KSR1: variants seen among roughly 807,000 people sequenced by gnomAD.
KSR1 encodes kinase suppressor of ras 1.
Under a neutral mutation model 92.9 loss-of-function variants are expected in KSR1, and 35 were observed. The ratio of observed to expected loss-of-function variants is 0.38; its 90% confidence interval spans 0.29 to 0.50. KSR1 has a LOEUF of 0.50. Among genes scored for constraint, KSR1 ranks in the 20% least tolerant of loss-of-function variants. The probability of loss-of-function intolerance (pLI) is 0.94; values close to 1 mark genes in which losing one functional copy is unlikely to be tolerated. For synonymous variants in KSR1, 467 were observed against 472.6 expected (o/e 0.99, Z 0.15); for missense variants, 972 against 1,158.5 (o/e 0.84, Z 2.34).
At chr17:27,463,067 T>C (rs2019523657) in intron 1 of KSR1, among the ~76,000 whole-genome samples, 1 of 152,240 alleles carries the variant, frequency 6.6e-6, no homozygotes, top group Non-Finnish European at 1.5e-5. Flanking sequence ...ATTTGCTGGG[T>C]CAAAGTATAT....
chr17:27,561,904 G>C (rs551584165), intron 2 of KSR1, among the ~76,000 whole-genome samples: 4 of 152,152 alleles, frequency 2.6e-5, no homozygotes, highest in Non-Finnish European at 5.9e-5. Flanking sequence ...GGAGTAGAGT[G>C]ACGCAATCTT....
chr17:27,609,908 G>T, intron 16 of KSR1, 159 bp from the exon 17 acceptor site: 2 of 805,306 alleles, frequency 2.5e-6, no homozygotes, highest in Non-Finnish European at 3.8e-6. Flanking sequence ...CAAAAGCACC[G>T]GTGCCTTTCC....
chr17:27,558,347 G>T (rs2071689919), intron 2 of KSR1, among the ~76,000 whole-genome samples: 1 of 148,958 alleles, frequency 6.7e-6, no homozygotes, highest in Admixed American at 6.8e-5. Context: ...AACGTCATCT[G>T]TGTTATCCAT....
chr17:27,615,623 T>C (rs912265116), intron 18 of KSR1, among the ~76,000 whole-genome samples: 1 of 152,262 alleles, frequency 6.6e-6, no homozygotes, highest in Admixed American at 6.5e-5. Context: ...CAGAGTCCAC[T>C]GGTTTCTTGT....
At chr17:27,458,396 G>A (rs2019281456) in intron 1 of KSR1, among the ~76,000 whole-genome samples, 1 of 152,178 alleles carries the variant, frequency 6.6e-6, no homozygotes, top group Non-Finnish European at 1.5e-5. Context: ...TGCTGGGCTT[G>A]GAGAATGCTC....
intron 3 of KSR1, among the ~76,000 whole-genome samples, chr17:27,580,302 G>T (rs61120509): frequency 1.3e-5 from 2 of 152,164 alleles, no homozygotes; most frequent in Non-Finnish European, 2.9e-5. Flanking sequence ...GCTGTAGCTC[G>T]TAAGGAGCAA....
intron 1 of KSR1, among the ~76,000 whole-genome samples, chr17:27,543,324 C>T (rs2071035352): frequency 6.6e-6 from 1 of 152,142 alleles, no homozygotes; most frequent in Admixed American, 6.5e-5. Context: ...CCATGACACA[C>T]CATGGAGGAT....
chr17:27,520,136 T>A (rs546974301), intron 1 of KSR1, among the ~76,000 whole-genome samples: 32 of 152,220 alleles, frequency 2.1e-4, no homozygotes, highest in Non-Finnish European at 3.7e-4. Context: ...GCTACACTGT[T>A]CCCATTTGAC....
chr17:27,526,064 TTCTTTC>T (rs2070272868), intron 1 of KSR1, among the ~76,000 whole-genome samples: 1 of 112,636 alleles, frequency 8.9e-6, no homozygotes, highest in Non-Finnish European at 1.7e-5. Flanking sequence ...CTCTCTCTCT[TTCTTTC>T]TCTTTCTTTC....
intron 15 of KSR1, among the ~76,000 whole-genome samples, chr17:27,608,750 C>G (rs943571055): frequency 2.0e-5 from 3 of 151,922 alleles, no homozygotes; most frequent in African/African-American, 7.3e-5. Context: ...GTGGGAATGC[C>G]TCTCTGTTCC....
chr17:27,574,779 T>A (rs551948138), intron 2 of KSR1, among the ~76,000 whole-genome samples: 1 of 152,372 alleles, frequency 6.6e-6, no homozygotes, highest in Non-Finnish European at 1.5e-5. Flanking sequence ...TGGCTTAGAT[T>A]CTCAAGAACT....
intron 1 of KSR1, among the ~76,000 whole-genome samples, chr17:27,539,236 C>T (rs1438473030): frequency 6.6e-6 from 1 of 152,182 alleles, no homozygotes; most frequent in African/African-American, 2.4e-5. Flanking sequence ...TAAACTAGTT[C>T]GTGGCTGTGC....
At chr17:27,617,627 A>C (rs2074100930) in intron 19 of KSR1, 199 bp downstream of exon 19, 2 of 569,454 alleles carry the variant, frequency 3.5e-6, no homozygotes, top group African/African-American at 1.9e-5. Flanking sequence ...TCCTGGGTTC[A>C]AGCAATTCTC....
intron 1 of KSR1, among the ~76,000 whole-genome samples, chr17:27,481,995 C>T (rs1023666121): frequency 3.9e-5 from 6 of 152,130 alleles, no homozygotes; most frequent in Non-Finnish European, 7.4e-5. Flanking sequence ...TTTCTGTCAT[C>T]CATCAAATGA....
intron 1 of KSR1, among the ~76,000 whole-genome samples, chr17:27,492,343 CT>C: frequency 6.6e-6 from 1 of 152,288 alleles, no homozygotes; most frequent in Non-Finnish European, 1.5e-5. Context: ...CTCAACTCAC[CT>C]TTGCAGAGCT....
intron 19 of KSR1, 86 bp from the exon 20 acceptor site, chr17:27,621,107 T>G: frequency 2.5e-6 from 1 of 398,416 alleles, no homozygotes; most frequent in Non-Finnish European, 4.4e-6. Context: ...TTCCTCCACC[T>G]GTCCACACGT....
chr17:27,505,240 G>T (rs1419346084), intron 1 of KSR1, among the ~76,000 whole-genome samples: 2 of 152,174 alleles, frequency 1.3e-5, no homozygotes, highest in African/African-American at 4.8e-5. Flanking sequence ...CCTGGTTCTG[G>T]GTGCTCCCAG....
At chr17:27,458,935 A>C (rs557951409) in intron 1 of KSR1, among the ~76,000 whole-genome samples, 2 of 152,230 alleles carry the variant, frequency 1.3e-5, no homozygotes, top group African/African-American at 2.4e-5. Context: ...TCTAGGTTAG[A>C]GAAGGAGACT....
chr17:27,611,586 T>A lies in KSR1; in HGVS notation c.2450T>A (p.Met817Lys), dbSNP rs769514587. Residue 817 changes from methionine to lysine, a missense_variant, in exon 18 of 21, where the codon ATG (methionine) becomes AAG (lysine). This residue lies in a region of KSR1 where 260 missense variants were observed against 375.2 expected (regional missense o/e 0.69). Coordinates refer to ENST00000644974, the MANE Select transcript of KSR1 (RefSeq NM_001394583.1). ...SIWQIGSGEG[M>K]KRVLTSVSLG... ...TGGCAGATTGGAAGCGGGGAAGGAATGAAGCGTGTCCTGACTTCTGTCAGC... is the reference window on the plus strand; with the variant it reads ...TGGCAGATTGGAAGCGGGGAAGGAAAGAAGCGTGTCCTGACTTCTGTCAGC... 1 of 1,613,760 alleles carries A rather than the reference T, an allele frequency of 6.2e-7. No homozygotes were observed. The highest frequency in any genetic ancestry group is 8.5e-7 in the Non-Finnish European group (1 of 1,179,774).
Sources: allele counts gnomAD v4.1 joint callset (sites outside exome capture counted in the v4.1 genomes callset), GRCh38; gene constraint gnomAD v4.1.1; regional missense constraint gnomAD v4.1.1; transcripts MANE v1.5; gene names NCBI Gene and HGNC (gene_info 2026-07-23, HGNC 2026-07-21).